The following ARHGAP10 variants were observed in gnomAD, a reference collection of about 807,000 sequenced individuals.
ARHGAP10 encodes Rho GTPase activating protein 10.
A neutral mutation model predicts 108.6 loss-of-function variants in ARHGAP10; 87 were observed. The observed-to-expected ratio is 0.80, with a 90% CI of 0.67 to 0.96. ARHGAP10 has a LOEUF of 0.96. Ranked by LOEUF, ARHGAP10 falls within the 40% of genes least tolerant of loss-of-function variation. The pLI is 0.00. For missense variants in ARHGAP10, 939 were observed against 954.5 expected (o/e 0.98, Z 0.21); for synonymous variants, 347 against 341.1 (o/e 1.02, Z -0.19).
At chr4:147,889,411 T>A (rs974265423) in intron 10 of ARHGAP10, among the ~76,000 whole-genome samples, 1 of 152,218 alleles carries the variant, frequency 6.6e-6, no homozygotes, top group Non-Finnish European at 1.5e-5. Context: ...GTGATTCTTC[T>A]GCCTCAGCCT....
At position 147,732,249 on chromosome 4, in the gene ARHGAP10, C is replaced by T. The variant is rs1308734584; in HGVS notation, c.-53C>T. 3 of 1,493,940 alleles carry T rather than the reference C, an allele frequency of 2.0e-6. No homozygotes were observed. Among genetic ancestry groups the T allele is most frequent in the Non-Finnish European group, 2.7e-6 (3 of 1,130,988 alleles). 92.5% of individuals were successfully genotyped at this position (1,493,940 alleles called of 1,614,324 possible). ...CGCACCTGGCAGCGGCCTCGGAGCT[C>T]GGCTCGGGCAGGAGCGCGCGGCCGT... On this transcript the variant is annotated 5_prime_UTR_variant, in exon 1 of 23. Coordinates refer to ENST00000336498, the MANE Select transcript of ARHGAP10 (RefSeq NM_024605.4).
At chr4:147,801,214 A>G (rs991562339) in intron 1 of ARHGAP10, among the ~76,000 whole-genome samples, 2 of 152,174 alleles carry the variant, frequency 1.3e-5, no homozygotes, top group African/African-American at 4.8e-5. Context: ...GGTCTTATGG[A>G]GGTAAGGAAA....
intron 16 of ARHGAP10, among the ~76,000 whole-genome samples, chr4:147,959,200 GA>G (rs201331003): frequency 2.6e-3 from 390 of 151,184 alleles, no homozygotes; most frequent in African/African-American, 9.0e-3. Flanking sequence ...ACAAGATAGA[GA>G]AAAAAATGGT....
At chr4:147,980,111 G>A (rs949275243) in intron 18 of ARHGAP10, among the ~76,000 whole-genome samples, 1 of 152,080 alleles carries the variant, frequency 6.6e-6, no homozygotes, top group Non-Finnish European at 1.5e-5. Flanking sequence ...GTCTAGTTCC[G>A]GTTCTTAAGG....
rs1411745355 is a variant in ARHGAP10 at position 148,060,344 on chromosome 4, A to ACT, written c.2028-2804_2028-2803insCT. On this transcript the variant is annotated intron_variant, in intron 20 of 22. Transcript: ENST00000336498. ...TGGTTACATAACGAAGCTCATGTTT[A>ACT]GTTTTTTTTTTTTTTTTTTTTTGGC... is the stretch of plus-strand genomic sequence containing the variant. Among the ~76,000 whole-genome samples, 132 of 120,768 alleles carry ACT rather than the reference A, an allele frequency of 1.1e-3. 3 individuals are homozygous for ACT. The highest frequency in any genetic ancestry group is 1.2e-3 in the African/African-American group (40 of 32,962). 79.2% of individuals were successfully genotyped at this position (120,768 alleles called of 152,430 possible). A position where few individuals can be genotyped will look rare whatever the true frequency, so the allele number is the denominator to read the frequency against.
At chr4:148,044,298 C>T (rs924103285) in intron 19 of ARHGAP10, among the ~76,000 whole-genome samples, 1 of 152,038 alleles carries the variant, frequency 6.6e-6, no homozygotes, top group African/African-American at 2.4e-5. Context: ...CCCCTGGTCT[C>T]CAGTTCCCCA....
intron 3 of ARHGAP10, among the ~76,000 whole-genome samples, chr4:147,837,136 T>C (rs1733203633): frequency 6.6e-6 from 1 of 152,110 alleles, no homozygotes; most frequent in Admixed American, 6.6e-5. Flanking sequence ...TCTTTCTATT[T>C]AAACTTGAGC....
chr4:147,957,817 T>C (rs1358554744), intron 16 of ARHGAP10, among the ~76,000 whole-genome samples: 1 of 152,198 alleles, frequency 6.6e-6, no homozygotes, highest in African/African-American at 2.4e-5. Flanking sequence ...CAAATATAAA[T>C]TTCATTTCTA....
chr4:147,996,761 G>A (rs1443272536), intron 18 of ARHGAP10, among the ~76,000 whole-genome samples: 4 of 152,178 alleles, frequency 2.6e-5, no homozygotes, highest in African/African-American at 9.7e-5. Flanking sequence ...GGGTCTTGAA[G>A]GAAGTAATCA....
intron 19 of ARHGAP10, among the ~76,000 whole-genome samples, chr4:148,031,162 G>C (rs573977694): frequency 7.9e-5 from 12 of 152,186 alleles, no homozygotes; most frequent in African/African-American, 2.9e-4. Context: ...TGTGCTTATG[G>C]TAATGATTTT....
At chr4:147,873,827 A>T (rs1424939915) in intron 7 of ARHGAP10, among the ~76,000 whole-genome samples, 1 of 149,608 alleles carries the variant, frequency 6.7e-6, no homozygotes, top group Admixed American at 6.7e-5. Flanking sequence ...ATGAGGTATT[A>T]TCATGCCACT....
chr4:147,830,239 C>G (rs7678505), intron 3 of ARHGAP10, among the ~76,000 whole-genome samples: 135,378 of 152,206 alleles, frequency 0.89, 61,615 homozygotes, highest in Non-Finnish European at 0.99. Context: ...CCTGCCCTGA[C>G]CTTTTGCCCC....
chr4:147,775,074 C>T (rs1730230464), intron 1 of ARHGAP10, among the ~76,000 whole-genome samples: 2 of 152,130 alleles, frequency 1.3e-5, no homozygotes, highest in Admixed American at 1.3e-4. Context: ...GCCACCACGC[C>T]TGGCTAATTT....
chr4:148,007,074 G>A (rs1286924528), intron 18 of ARHGAP10, among the ~76,000 whole-genome samples: 1 of 151,894 alleles, frequency 6.6e-6, no homozygotes, highest in Non-Finnish European at 1.5e-5. Context: ...ACTTCAAGGA[G>A]GTTAATCATC....
chr4:147,792,643 T>C (rs1731164184), intron 1 of ARHGAP10, among the ~76,000 whole-genome samples: 1 of 152,204 alleles, frequency 6.6e-6, no homozygotes, highest in South Asian at 2.1e-4. Context: ...TGTGGTCCTC[T>C]GGGGCCTTGC....
chr4:147,762,467 G>T (rs975519866), intron 1 of ARHGAP10, among the ~76,000 whole-genome samples: 1 of 151,712 alleles, frequency 6.6e-6, no homozygotes, highest in African/African-American at 2.4e-5. Context: ...AGAGTTGATT[G>T]GGTAGGTGAA....
intron 4 of ARHGAP10, among the ~76,000 whole-genome samples, chr4:147,850,325 A>G (rs1407949858): frequency 1.3e-5 from 2 of 152,242 alleles, no homozygotes; most frequent in African/African-American, 2.4e-5. Flanking sequence ...AGCAGGGGCA[A>G]TGCTTGGGTC....
intron 8 of ARHGAP10, 102 bp downstream of exon 8, chr4:147,875,252 C>G: frequency 1.6e-6 from 2 of 1,260,032 alleles, no homozygotes; most frequent in Non-Finnish European, 2.1e-6. Context: ...GCAATTATTC[C>G]TACCTCTTTC....
intron 1 of ARHGAP10, among the ~76,000 whole-genome samples, chr4:147,756,758 AG>A (rs1157832208): frequency 6.6e-5 from 10 of 152,286 alleles, no homozygotes; most frequent in South Asian, 2.1e-4. Context: ...TCCCTGGATA[AG>A]GGGGGACCAC....
Sources: allele counts gnomAD v4.1 joint callset (sites outside exome capture counted in the v4.1 genomes callset), GRCh38; gene constraint gnomAD v4.1.1; transcripts MANE v1.5; gene names NCBI Gene and HGNC (gene_info 2026-07-23, HGNC 2026-07-21).